MAGEC3: variants seen among roughly 807,000 people sequenced by gnomAD.
MAGEC3 encodes the protein melanoma-associated antigen C3.
A neutral mutation model predicts 35.3 loss-of-function variants in MAGEC3; 34 were observed. That is an observed-to-expected ratio of 0.96 (90% CI 0.73 to 1.28). The LOEUF (loss-of-function observed/expected upper bound fraction) is 1.28, where lower values mean the gene tolerates loss of function less well. Among genes scored for constraint, MAGEC3 ranks in the 50% most tolerant of loss-of-function variants. The pLI, the probability that MAGEC3 is intolerant of heterozygous loss-of-function variation, is 0.00. For missense variants in MAGEC3, 561 were observed against 483.6 expected, an observed-to-expected ratio of 1.16 and a Z score of -1.50; for synonymous variants, 202 against 185.6, an observed-to-expected ratio of 1.09 and a Z score of -0.72.
intron 1 of MAGEC3, among the ~76,000 whole-genome samples, chrX:141,855,066 G>C (rs1281296132): frequency 9.0e-6 from 1 of 111,308 alleles, no homozygotes; most frequent in Non-Finnish European, 1.9e-5. Context: ...TAGATTTTGA[G>C]AGTGCTCACT....
rs1006732740 is a variant in MAGEC3, at chrX:141,865,500, T to G, written c.153T>G (p.Tyr51Ter). The change falls in exon 2 of 8, where the codon TAT becomes TAG. Residue 51 changes from tyrosine (Y) to a stop codon, truncating the protein, a stop_gained. Coordinates refer to ENST00000298296, the MANE Select transcript of MAGEC3 (RefSeq NM_138702.1). LOFTEE classifies it high-confidence loss of function. ...QPRKKATDKD[Y>*]SAFHLGHLRE... ...GGAAAAAGGCCACAGATAAGGACTA[T>G]TCTGCCTTTCATCTTGGGCATCTGA... 5.0e-6 allele frequency: 6 copies of G among 1,209,120 alleles called. No individual in the cohort carries two copies. The African/African-American group carries it at 8.8e-5, about 18-fold the overall frequency.
chrX:141,850,280 C>T (rs376334540), intron 1 of MAGEC3, among the ~76,000 whole-genome samples: 3 of 110,318 alleles, frequency 2.7e-5, no homozygotes, highest in African/African-American at 9.9e-5. Flanking sequence ...GTACTATGCT[C>T]GCTACTTGGG....
chrX:141,859,653 A>G (rs2017803215), intron 1 of MAGEC3, among the ~76,000 whole-genome samples: 1 of 111,351 alleles, frequency 9.0e-6, no homozygotes, highest in Non-Finnish European at 1.9e-5. Context: ...ACAAACATCA[A>G]GTGACTCTAA....
At chrX:141,887,750 T>A (rs1180123006) in intron 4 of MAGEC3, among the ~76,000 whole-genome samples, 1 of 112,042 alleles carries the variant, frequency 8.9e-6, no homozygotes, top group African/African-American at 3.2e-5. Context: ...CCAATGCTGC[T>A]TGAGGTATCA....
chrX:141,874,498 A>G (rs1222677301), intron 2 of MAGEC3, among the ~76,000 whole-genome samples: 1 of 112,227 alleles, frequency 8.9e-6, no homozygotes, highest in Admixed American at 9.4e-5. Context: ...CCCTCAACTC[A>G]ATAACAAGAA....
intron 4 of MAGEC3, among the ~76,000 whole-genome samples, chrX:141,894,160 C>G (rs771783873): frequency 1.8e-5 from 2 of 111,865 alleles, no homozygotes; most frequent in East Asian, 5.6e-4. Flanking sequence ...AGTGCCTTGA[C>G]TGACCTCAAA....
rs374830890 is a variant in MAGEC3, at chrX:141,864,908, A to G, written c.124-563A>G. 3.6e-5 allele frequency among the ~76,000 whole-genome samples: 4 copies of G among 112,277 alleles called. No individual in the cohort carries two copies. In the East Asian group the frequency reaches 1.1e-3, roughly 31 times the overall value. On this transcript the variant is annotated intron_variant, in intron 1 of 7. Coordinates refer to ENST00000298296, the MANE Select transcript of MAGEC3 (RefSeq NM_138702.1). ...ATCCTTGCTAGCAGTTAGTAATGTC[A>G]GTGGATTTTTCAGCAGTCCTCAAAA...
intron 4 of MAGEC3, among the ~76,000 whole-genome samples, chrX:141,883,288 T>C (rs1429461565): frequency 8.9e-6 from 1 of 112,435 alleles, no homozygotes; most frequent in Non-Finnish European, 1.9e-5. Context: ...TTAATTAGGT[T>C]ATTTTAAATG....
chrX:141,863,707 A>G (rs760287085), intron 1 of MAGEC3, among the ~76,000 whole-genome samples: 2 of 111,779 alleles, frequency 1.8e-5, no homozygotes, highest in African/African-American at 6.5e-5. Context: ...ACAGATCACA[A>G]AATTATATGA....
chrX:141,840,002 T>C (rs1002348086), intron 1 of MAGEC3: 2 of 750,977 alleles, frequency 2.7e-6, no homozygotes, highest in Non-Finnish European at 3.1e-6. Context: ...CTCAGAACTC[T>C]AAAAATGATT....
At chrX:141,869,881 T>G (rs1603065928) in intron 2 of MAGEC3, among the ~76,000 whole-genome samples, 1 of 111,507 alleles carries the variant, frequency 9.0e-6, no homozygotes, top group African/African-American at 3.3e-5. Flanking sequence ...TTGGAACATA[T>G]ATTATTATTC....
chrX:141,872,137 C>G (rs1048958119), intron 2 of MAGEC3, among the ~76,000 whole-genome samples: 2 of 111,199 alleles, frequency 1.8e-5, no homozygotes, highest in African/African-American at 3.3e-5. Flanking sequence ...TAGAGAACCT[C>G]TTGCCATTTG....
At chrX:141,887,290 T>A (rs2018009659) in intron 4 of MAGEC3, among the ~76,000 whole-genome samples, 1 of 112,358 alleles carries the variant, frequency 8.9e-6, no homozygotes, top group African/African-American at 3.2e-5. Flanking sequence ...CCTTGATCGA[T>A]TTTCCCTTAC....
intron 1 of MAGEC3, among the ~76,000 whole-genome samples, chrX:141,855,186 C>T (rs1023408856): frequency 6.3e-5 from 7 of 110,270 alleles, no homozygotes; most frequent in African/African-American, 9.9e-5. Context: ...TGACACTAGC[C>T]GGACAAGGTT....
At chrX:141,888,156 C>A (rs1315496788) in intron 4 of MAGEC3, among the ~76,000 whole-genome samples, 1 of 112,187 alleles carries the variant, frequency 8.9e-6, no homozygotes, top group Admixed American at 9.4e-5. Flanking sequence ...TGCCTTCTCT[C>A]CCCCAGCCTG....
intron 4 of MAGEC3, among the ~76,000 whole-genome samples, chrX:141,891,257 C>T (rs1276658143): frequency 9.0e-6 from 1 of 111,561 alleles, no homozygotes; most frequent in Non-Finnish European, 1.9e-5. Context: ...GGCTCTATGT[C>T]CAAATGCAGT....
chrX:141,873,297 T>C (rs886782619), intron 2 of MAGEC3, among the ~76,000 whole-genome samples: 4 of 111,018 alleles, frequency 3.6e-5, no homozygotes, highest in African/African-American at 1.3e-4. Flanking sequence ...GAGTCTGCTT[T>C]TAGCTTCCCA....
intron 6 of MAGEC3, 63 bp from the exon 7 acceptor site, chrX:141,896,818 TC>T: frequency 8.3e-7 from 1 of 1,205,328 alleles, no homozygotes; most frequent in Non-Finnish European, 1.1e-6. Context: ...CTCCTCCTCT[TC>T]CTTGTCCTCA....
At chrX:141,881,036 C>T (rs1055438978) in intron 3 of MAGEC3, among the ~76,000 whole-genome samples, 2 of 112,443 alleles carry the variant, frequency 1.8e-5, no homozygotes, top group African/African-American at 6.5e-5. Context: ...CAGAACCAAA[C>T]TGTGATAGAG....
Sources: gnomAD v4.1 joint callset for allele counts (sites outside exome capture counted in the v4.1 genomes callset) on GRCh38, gnomAD v4.1.1 for gene constraint, MANE v1.5 for transcripts, NCBI Gene and HGNC (gene_info 2026-07-23, HGNC 2026-07-21) for gene names.